Variants in BMPER observed in about 807,000 individuals in gnomAD.
The protein encoded by BMPER is BMP-binding endothelial regulator protein.
In BMPER, 45 loss-of-function variants were observed where a neutral mutation model predicts 87.3. The ratio of observed to expected loss-of-function variants is 0.52; its 90% CI spans 0.41 to 0.66. BMPER has a LOEUF of 0.66. Among genes scored for constraint, BMPER ranks in the 30% least tolerant of loss-of-function variants. The pLI is 0.00. For missense variants in BMPER, 784 were observed against 867.5 expected, an observed-to-expected ratio of 0.90 and a Z score of 1.21; for synonymous variants, 326 against 316.2, an observed-to-expected ratio of 1.03 and a Z score of -0.33.
At chr7:34,093,662 T>G (rs1197744827) in intron 13 of BMPER, among the ~76,000 whole-genome samples, 1 of 152,192 alleles carries the variant, frequency 6.6e-6, no homozygotes, top group African/African-American at 2.4e-5. Flanking sequence ...TTTTATATAT[T>G]TAGCTCTAAG....
chr7:33,921,330 C>T (rs964263594), intron 2 of BMPER, among the ~76,000 whole-genome samples: 5 of 152,176 alleles, frequency 3.3e-5, no homozygotes, highest in South Asian at 2.1e-4. Flanking sequence ...TGTGAGGTAG[C>T]GCTGGCATTC....
intron 2 of BMPER, among the ~76,000 whole-genome samples, chr7:33,914,045 T>G (rs6972070): frequency 0.026 from 3,902 of 150,100 alleles, 166 homozygotes; most frequent in African/African-American, 0.088. Flanking sequence ...CACTGCAAGC[T>G]CCGCCTCCCG....
chr7:34,119,764 A>G (rs1007528203), intron 13 of BMPER, among the ~76,000 whole-genome samples: 1 of 152,204 alleles, frequency 6.6e-6, no homozygotes, highest in Non-Finnish European at 1.5e-5. Flanking sequence ...AAAGCTCCCT[A>G]TTAAAAATTG....
At chr7:33,949,926 T>G (rs1784981236) in intron 3 of BMPER, among the ~76,000 whole-genome samples, 2 of 152,216 alleles carry the variant, frequency 1.3e-5, no homozygotes, top group African/African-American at 2.4e-5. Context: ...ATGACCCTAC[T>G]TGTCTAAAAG....
At chr7:33,943,691 G>A (rs138162314) in intron 3 of BMPER, among the ~76,000 whole-genome samples, 20 of 152,250 alleles carry the variant, frequency 1.3e-4, no homozygotes, top group Non-Finnish European at 2.4e-4. Context: ...CCCTTTCTCC[G>A]TAAAAGATGA....
intron 13 of BMPER, among the ~76,000 whole-genome samples, chr7:34,086,636 C>G (rs1789218672): frequency 1.3e-5 from 2 of 152,148 alleles, no homozygotes; most frequent in Admixed American, 6.5e-5. Context: ...GACTTCACGT[C>G]TAGAGTCAGA....
intron 6 of BMPER, among the ~76,000 whole-genome samples, chr7:34,023,810 T>G (rs1585747286): frequency 6.6e-6 from 1 of 152,202 alleles, no homozygotes; most frequent in South Asian, 2.1e-4. Flanking sequence ...CACTTGGGTT[T>G]AGTTAGTGTT....
chr7:33,951,054 T>TG (rs1156690614), intron 3 of BMPER, among the ~76,000 whole-genome samples: 3 of 151,602 alleles, frequency 2.0e-5, no homozygotes, highest in African/African-American at 7.3e-5. Flanking sequence ...GGTGGGACTT[T>TG]TTTTTTTTTT....
In BMPER at chr7:34,060,290, G is replaced by C. The variant is rs1562717459; in HGVS notation, c.1033-1712G>C. ...AGGGAATCGTAGTCACATTTGTTTG[G>C]AGTCTTGGCTTTAAGGTGGCTCTGC... On this transcript the variant is annotated intron_variant, in intron 10 of 14. Transcript: ENST00000649409. Among the ~76,000 whole-genome samples the C allele has an allele frequency of 3.3e-5, 5 of 151,712 alleles. No individual in the cohort carries two copies. In the South Asian group the frequency reaches 8.3e-4, roughly 25 times the overall value.
At chr7:33,919,180 T>C (rs1204134066) in intron 2 of BMPER, among the ~76,000 whole-genome samples, 1 of 152,234 alleles carries the variant, frequency 6.6e-6, no homozygotes, top group Non-Finnish European at 1.5e-5. Context: ...TACAGAAATC[T>C]GGAGTCCCTA....
chr7:34,141,050 G>A (rs10486634), intron 13 of BMPER, among the ~76,000 whole-genome samples: 115,647 of 152,114 alleles, frequency 0.76, 44,402 homozygotes, highest in East Asian at 0.91. Context: ...TGGGGCAGCC[G>A]AAAATGTCGC....
chr7:33,995,880 C>T (rs1256085749), intron 6 of BMPER, among the ~76,000 whole-genome samples: 2 of 152,174 alleles, frequency 1.3e-5, no homozygotes, highest in Non-Finnish European at 2.9e-5. Flanking sequence ...CCACTGAGGC[C>T]AGGGTGCCCT....
intron 13 of BMPER, among the ~76,000 whole-genome samples, chr7:34,138,093 G>C (rs1265358028): frequency 6.6e-6 from 1 of 152,188 alleles, no homozygotes; most frequent in Non-Finnish European, 1.5e-5. Flanking sequence ...TTGAAATGTG[G>C]CTAATGATAC....
intron 14 of BMPER, among the ~76,000 whole-genome samples, chr7:34,152,814 G>A (rs914024163): frequency 2.6e-5 from 4 of 152,126 alleles, no homozygotes; most frequent in African/African-American, 9.7e-5. Context: ...TAGCCTTAAA[G>A]ATTTTCCTAT....
At chr7:33,951,478 C>A (rs1274155772) in intron 3 of BMPER, among the ~76,000 whole-genome samples, 1 of 152,174 alleles carries the variant, frequency 6.6e-6, no homozygotes, top group Non-Finnish European at 1.5e-5. Context: ...CCATTTTTTA[C>A]ATTTCACTTT....
chr7:34,083,970 T>C (rs1475243784), intron 12 of BMPER, among the ~76,000 whole-genome samples: 1 of 144,398 alleles, frequency 6.9e-6, no homozygotes, highest in East Asian at 2.0e-4. Flanking sequence ...AAATGAAAAA[T>C]GTTTTTGTCA....
intron 13 of BMPER, among the ~76,000 whole-genome samples, chr7:34,133,023 G>A (rs951694992): frequency 5.3e-5 from 8 of 152,152 alleles, no homozygotes; most frequent in African/African-American, 1.9e-4. Flanking sequence ...CTGATACAGA[G>A]CTCCTAAGAC....
At chr7:33,917,802 C>T (rs889628794) in intron 2 of BMPER, among the ~76,000 whole-genome samples, 8 of 152,078 alleles carry the variant, frequency 5.3e-5, no homozygotes, top group Admixed American at 2.6e-4. Flanking sequence ...CTAATGCTGT[C>T]GGCATAGGGC....
intron 6 of BMPER, among the ~76,000 whole-genome samples, chr7:34,015,243 C>G (rs1786988453): frequency 6.6e-6 from 1 of 151,864 alleles, no homozygotes; most frequent in Non-Finnish European, 1.5e-5. Flanking sequence ...CCTGTGTGAC[C>G]TTGGACAAGT....
Sources: allele counts gnomAD v4.1 joint callset (sites outside exome capture counted in the v4.1 genomes callset), GRCh38; gene constraint gnomAD v4.1.1; transcripts MANE v1.5; gene names NCBI Gene and HGNC (gene_info 2026-07-23, HGNC 2026-07-21).